The following TAMM41 variants were observed in gnomAD, a reference collection of about 807,000 sequenced individuals.
TAMM41 encodes the protein TAM41 mitochondrial translocator assembly and maintenance homolog, also known as phosphatidate cytidylyltransferase, mitochondrial.
Under a neutral mutation model 44.1 loss-of-function variants are expected in TAMM41, and 36 were observed. The observed-to-expected ratio is 0.82, with a 90% CI of 0.63 to 1.08. The LOEUF is 1.08. Among genes scored for constraint, TAMM41 ranks in the 50% least tolerant of loss-of-function variants. TAMM41 has a pLI of 0.00. For missense variants in TAMM41, 417 were observed against 404.3 expected (o/e 1.03, Z -0.27); for synonymous variants, 164 against 153.1 (o/e 1.07, Z -0.53).
chr3:11,771,001 G>A, the TAMM41 span, among the ~76,000 whole-genome samples: 1 of 152,052 alleles, frequency 6.6e-6, no homozygotes, highest in Non-Finnish European at 1.5e-5. Context: ...GCAGCCCTGA[G>A]GCGGGCAGCT....
intron 1 of TAMM41, 56 bp from the exon 2 acceptor site, chr3:11,844,267 G>C (rs1275384142): frequency 1.3e-6 from 2 of 1,549,782 alleles, no homozygotes; most frequent in South Asian, 1.2e-5. Context: ...AAGGCAGCAA[G>C]AGAGCATGGA....
chr3:11,821,186 C>A (rs545039663), intron 4 of TAMM41, among the ~76,000 whole-genome samples: 2 of 152,314 alleles, frequency 1.3e-5, no homozygotes, highest in East Asian at 3.9e-4. Context: ...GTCCAGGGGA[C>A]AGTGGTTTCA....
At chr3:11,736,366 A>T in the TAMM41 span, among the ~76,000 whole-genome samples, 1 of 152,200 alleles carries the variant, frequency 6.6e-6, no homozygotes, top group Non-Finnish European at 1.5e-5. Context: ...GCTCAGGAGG[A>T]TGGGAATGTA....
At chr3:11,809,186 A>C in intron 6 of TAMM41, 1 of 343,210 alleles carries the variant, frequency 2.9e-6, no homozygotes, top group Non-Finnish European at 5.3e-6. Flanking sequence ...AAATGCCACC[A>C]ATCTCTTTTC....
At chr3:11,756,853 G>A in the TAMM41 span, among the ~76,000 whole-genome samples, 43 of 117,490 alleles carry the variant, frequency 3.7e-4, no homozygotes, top group Non-Finnish European at 6.8e-4. Context: ...CAACAAGAGC[G>A]AAATTCCGTC....
the TAMM41 span, among the ~76,000 whole-genome samples, chr3:11,764,673 T>C: frequency 6.6e-6 from 1 of 151,650 alleles, no homozygotes; most frequent in African/African-American, 2.4e-5. Context: ...TTTGTATTTT[T>C]AGTAGAGACG....
chr3:11,807,900 G>GAAAAAAA lies in TAMM41; in HGVS notation c.875-6_875-5insTTTTTTT. ...GTCTCACGATTGCTGAAAGCCCTGC[G>GAAAAAAA]AGAAAAAAACCAAAAAGGAGACCAA... On this transcript the variant is annotated splice_region_variant and splice_polypyrimidine_tract_variant and intron_variant, in intron 6 of 7. Transcript: ENST00000455809. 6.6e-7 allele frequency: 1 copy of GAAAAAAA among 1,506,322 alleles called. No individual in the cohort carries two copies. The highest frequency in any genetic ancestry group is 2.2e-5 in the Admixed American group (1 of 44,912). The allele number at this position is 1,506,322 out of a possible 1,614,324, so 93.3% of individuals were successfully genotyped here.
the TAMM41 span, among the ~76,000 whole-genome samples, chr3:11,758,011 C>A: frequency 4.9e-4 from 74 of 152,204 alleles, no homozygotes; most frequent in Non-Finnish European, 9.1e-4. Flanking sequence ...AAGTCTGGGG[C>A]CCCCATTCAG....
chr3:11,778,355 A>G, the TAMM41 span, among the ~76,000 whole-genome samples: 2 of 152,152 alleles, frequency 1.3e-5, no homozygotes, highest in South Asian at 2.1e-4. Flanking sequence ...CAGCCTCTCA[A>G]GTAGCTGGGG....
At chr3:11,816,194 A>C (rs2078269431) in intron 5 of TAMM41, among the ~76,000 whole-genome samples, 1 of 152,024 alleles carries the variant, frequency 6.6e-6, no homozygotes, top group South Asian at 2.1e-4. Flanking sequence ...ATGAAGAAAA[A>C]TACAGTGTTC....
the TAMM41 span, among the ~76,000 whole-genome samples, chr3:11,782,832 G>A: frequency 1.3e-5 from 2 of 152,322 alleles, no homozygotes; most frequent in South Asian, 2.1e-4. Flanking sequence ...TGGTGGGACA[G>A]AGTGCCTGAG....
At chr3:11,769,411 T>A in the TAMM41 span, among the ~76,000 whole-genome samples, 1 of 150,224 alleles carries the variant, frequency 6.7e-6, no homozygotes, top group South Asian at 2.1e-4. Flanking sequence ...ATCTGAGGTT[T>A]AAGAGATCAC....
intron 4 of TAMM41, among the ~76,000 whole-genome samples, chr3:11,819,071 T>TA (rs1381797735): frequency 1.3e-5 from 2 of 152,150 alleles, no homozygotes; most frequent in Admixed American, 1.3e-4. Context: ...GTTAGATAGT[T>TA]AAAACCTGGG....
At chr3:11,762,138 A>G in the TAMM41 span, among the ~76,000 whole-genome samples, 1 of 151,924 alleles carries the variant, frequency 6.6e-6, no homozygotes, top group African/African-American at 2.4e-5. Context: ...TTCGTCACTC[A>G]TGTATCTTTG....
rs758721564 is a variant in TAMM41 at position 11,829,843 on chromosome 3, C to T, written c.433G>A (p.Glu145Lys). 21 of 1,614,098 alleles carry T rather than the reference C, an allele frequency of 1.3e-5. No homozygotes were observed. The highest frequency in any genetic ancestry group is 3.3e-5 in the Admixed American group (2 of 60,020). ...AGGGCTGATCTAAGAGTGACATCCTCGTTCACTGAGATAATTTTCACCTGA... is the reference window on the plus strand; with the variant it reads ...AGGGCTGATCTAAGAGTGACATCCTTGTTCACTGAGATAATTTTCACCTGA... ...QKPVKIISVN[E>K]DVTLRSALDR... The change falls in exon 4 of 8, where the codon GAG becomes AAG. Residue 145 changes from glutamate (E) to lysine (K), a missense_variant. Transcript: ENST00000455809.
At chr3:11,845,815 C>T (rs1333924694) in intron 1 of TAMM41, among the ~76,000 whole-genome samples, 1 of 152,132 alleles carries the variant, frequency 6.6e-6, no homozygotes, top group Non-Finnish European at 1.5e-5. Flanking sequence ...GAAAACTGTA[C>T]CCTTACTGAG....
chr3:11,787,950 T>G (rs971784071), downstream of TAMM41, among the ~76,000 whole-genome samples: 7 of 152,228 alleles, frequency 4.6e-5, no homozygotes, highest in Non-Finnish European at 7.4e-5. Context: ...CACCTTAGAT[T>G]GAGGAAAAGG....
intron 5 of TAMM41, among the ~76,000 whole-genome samples, chr3:11,815,618 T>G (rs142573643): frequency 1.2e-3 from 186 of 152,234 alleles, no homozygotes; most frequent in African/African-American, 4.2e-3. Context: ...ATGAAGTAAC[T>G]TTATGTGAAG....
chr3:11,798,558 G>A (rs935939512), intron 7 of TAMM41, among the ~76,000 whole-genome samples: 2 of 152,094 alleles, frequency 1.3e-5, no homozygotes, highest in Admixed American at 1.3e-4. Context: ...TTCTAACTAG[G>A]CTTAATAAAT....
Sources: gnomAD v4.1 joint callset for allele counts (sites outside exome capture counted in the v4.1 genomes callset) on GRCh38, gnomAD v4.1.1 for gene constraint, MANE v1.5 for transcripts, NCBI Gene and HGNC (gene_info 2026-07-23, HGNC 2026-07-21) for gene names.